Variants in AGBL4 observed in about 807,000 individuals in gnomAD.
AGBL4 encodes AGBL carboxypeptidase 4, also known as cytosolic carboxypeptidase 6.
AGBL4 carries 58 observed loss-of-function variants against 66.4 expected under a neutral mutation model. The observed-to-expected ratio is 0.87, with a 90% CI of 0.71 to 1.09. The LOEUF (loss-of-function observed/expected upper bound fraction) is 1.09, where lower values mean the gene tolerates loss of function less well. AGBL4 is among the 50% of genes least tolerant of loss of function. The pLI is 0.00. For missense variants in AGBL4, 579 were observed against 631.0 expected, an observed-to-expected ratio of 0.92 and a Z score of 0.88; for synonymous variants, 234 against 222.9, an observed-to-expected ratio of 1.05 and a Z score of -0.44.
In AGBL4 at chr1:48,736,050, G is replaced by C. The variant is rs1648988542; in HGVS notation, c.635-72809C>G. On this transcript the variant is annotated intron_variant, in intron 6 of 13. Coordinates refer to ENST00000371839, the MANE Select transcript of AGBL4 (RefSeq NM_032785.4). The surrounding 1 kb of genome is among the most constrained non-coding windows in gnomAD (Gnocchi z 4.0). ...GAATATAATCGTACTTGTGTCCACA[G>C]CTCATCTGCCCTGGTAAATGTGAGC... Among the ~76,000 whole-genome samples, 1 of 152,212 alleles carries C rather than the reference G, an allele frequency of 6.6e-6. No individual in the cohort carries two copies. The highest frequency in any genetic ancestry group is 1.5e-5 in the Non-Finnish European group (1 of 68,042).
intron 6 of AGBL4, among the ~76,000 whole-genome samples, chr1:48,756,465 C>T (rs1417860992): frequency 1.3e-5 from 2 of 152,200 alleles, no homozygotes; most frequent in Non-Finnish European, 2.9e-5. Flanking sequence ...TGCAAATATA[C>T]TGAATTCTTA....
chr1:49,935,479 C>T (rs1013364268), intron 1 of AGBL4, among the ~76,000 whole-genome samples: 5 of 152,190 alleles, frequency 3.3e-5, no homozygotes, highest in African/African-American at 9.7e-5. Context: ...TTGAAGAGAG[C>T]AGTGGTTCTC....
intron 5 of AGBL4, among the ~76,000 whole-genome samples, chr1:48,869,017 A>C (rs1648388404): frequency 6.6e-6 from 1 of 152,134 alleles, no homozygotes; most frequent in Non-Finnish European, 1.5e-5. Context: ...CCCTCTCCTC[A>C]GGGTCACCCT....
intron 1 of AGBL4, among the ~76,000 whole-genome samples, chr1:49,917,940 C>G (rs1469454839): frequency 6.6e-6 from 1 of 152,182 alleles, no homozygotes; most frequent in Non-Finnish European, 1.5e-5. Flanking sequence ...TCACTCAAAA[C>G]AGCTCAACTA....
At chr1:49,898,890 T>C (rs1649483607) in intron 1 of AGBL4, among the ~76,000 whole-genome samples, 1 of 152,144 alleles carries the variant, frequency 6.6e-6, no homozygotes, top group Non-Finnish European at 1.5e-5. Context: ...TCTTACATTC[T>C]CATTTTTTGT....
chr1:49,190,782 T>A (rs1647103801), intron 4 of AGBL4, among the ~76,000 whole-genome samples: 1 of 152,184 alleles, frequency 6.6e-6, no homozygotes, highest in South Asian at 2.1e-4. Context: ...TTATATGTGC[T>A]AACTTTGGAT....
At chr1:49,078,248 C>T (rs1557622267) in intron 4 of AGBL4, among the ~76,000 whole-genome samples, 1 of 152,120 alleles carries the variant, frequency 6.6e-6, no homozygotes, top group Non-Finnish European at 1.5e-5. Context: ...TAGAATATGT[C>T]CTATCTCATG....
chr1:49,694,550 C>T (rs138713087), intron 3 of AGBL4, among the ~76,000 whole-genome samples: 189 of 152,220 alleles, frequency 1.2e-3, no homozygotes, highest in African/African-American at 4.4e-3. Context: ...AGACAGAACC[C>T]AGAGACAGGG....
intron 1 of AGBL4, among the ~76,000 whole-genome samples, chr1:49,967,044 G>A (rs1341639693): frequency 2.0e-5 from 3 of 152,060 alleles, no homozygotes; most frequent in Admixed American, 2.0e-4. Flanking sequence ...TGGGTCAAAT[G>A]GTATTTCTAG....
chr1:49,175,339 A>G (rs1646811733), intron 4 of AGBL4, among the ~76,000 whole-genome samples: 1 of 152,066 alleles, frequency 6.6e-6, no homozygotes, highest in African/African-American at 2.4e-5. Flanking sequence ...GGAATATGGA[A>G]GGGATGGACT....
chr1:49,934,385 A>G (rs1349885699), intron 1 of AGBL4, among the ~76,000 whole-genome samples: 1 of 152,206 alleles, frequency 6.6e-6, no homozygotes, highest in Non-Finnish European at 1.5e-5. Context: ...AAGTAGTCAT[A>G]TGTGAGGTCA....
intron 3 of AGBL4, among the ~76,000 whole-genome samples, chr1:49,283,276 G>A (rs180675322): frequency 3.3e-4 from 50 of 152,204 alleles, no homozygotes; most frequent in Admixed American, 7.9e-4. Context: ...CACCTCACAC[G>A]GCAGGGTATT....
intron 6 of AGBL4, among the ~76,000 whole-genome samples, chr1:48,809,650 T>A (rs2148755408): frequency 6.6e-6 from 1 of 152,264 alleles, no homozygotes; most frequent in Middle Eastern, 3.4e-3. Flanking sequence ...ATGTGATTAT[T>A]ATAAATAGAA....
At chr1:49,640,973 C>T (rs948399546) in intron 3 of AGBL4, among the ~76,000 whole-genome samples, 1 of 152,060 alleles carries the variant, frequency 6.6e-6, no homozygotes, top group African/African-American at 2.4e-5. Context: ...CTCAATAAAT[C>T]GGTGCTCACT....
rs149531518 is a variant in AGBL4 at position 49,372,603 on chromosome 1, TTC to T, written c.283-126741_283-126740del. ...CAATCTTTCTTTCTTTCTTTTCTTT[TTC>T]TTTTTCTTTCTTTCTTTCTTTCTTT... On this transcript the variant is annotated intron_variant, in intron 3 of 13. Coordinates refer to ENST00000371839, the MANE Select transcript of AGBL4 (RefSeq NM_032785.4). Among the ~76,000 whole-genome samples the T allele has an allele frequency of 3.9e-3, 580 of 146,950 alleles. 6 individuals are homozygous for T. Among genetic ancestry groups the T allele is most frequent in the Non-Finnish European group, 5.7e-3 (379 of 65,980 alleles).
chr1:49,424,126 T>C (rs1420686062), intron 3 of AGBL4, among the ~76,000 whole-genome samples: 1 of 152,154 alleles, frequency 6.6e-6, no homozygotes, highest in African/African-American at 2.4e-5. Flanking sequence ...ACAATGCCAT[T>C]TTCGAAGACA....
intron 2 of AGBL4, among the ~76,000 whole-genome samples, chr1:49,698,366 G>A (rs1465674367): frequency 6.6e-6 from 1 of 152,050 alleles, no homozygotes; most frequent in Non-Finnish European, 1.5e-5. Context: ...TGAATATTAA[G>A]TTTTGATAGA....
intron 4 of AGBL4, among the ~76,000 whole-genome samples, chr1:49,214,496 C>G (rs561313650): frequency 3.2e-4 from 48 of 152,072 alleles, no homozygotes; most frequent in Non-Finnish European, 3.8e-4. Context: ...CTGACTGTGG[C>G]AGGTTTATCA....
At chr1:49,522,940 C>T (rs1650379361) in intron 3 of AGBL4, among the ~76,000 whole-genome samples, 1 of 152,012 alleles carries the variant, frequency 6.6e-6, no homozygotes, top group Admixed American at 6.5e-5. Context: ...AAAGGTGTAC[C>T]TGCCCCTTGG....
Sources: gnomAD v4.1 joint callset for allele counts (sites outside exome capture counted in the v4.1 genomes callset) on GRCh38, gnomAD v4.1.1 for gene constraint, Gnocchi (gnomAD v3.1) non-coding constraint, MANE v1.5 for transcripts, NCBI Gene and HGNC (gene_info 2026-07-23, HGNC 2026-07-21) for gene names.